The following DGLUCY variants were observed in gnomAD, a reference collection of about 807,000 sequenced individuals.
The protein encoded by DGLUCY is D-glutamate cyclase, mitochondrial.
Under a neutral mutation model 58.5 loss-of-function variants are expected in DGLUCY, and 58 were observed. The observed-to-expected ratio is 0.99, with a 90% CI of 0.80 to 1.23. The LOEUF is 1.23. DGLUCY is among the 50% of genes most tolerant of loss of function. The probability of loss-of-function intolerance (pLI) is 0.00; values close to 1 mark genes in which losing one functional copy is unlikely to be tolerated. For missense variants in DGLUCY, 779 were observed against 784.7 expected (o/e 0.99, Z 0.09); for synonymous variants, 325 against 314.1 (o/e 1.03, Z -0.37).
In DGLUCY at chr14:91,198,567, A is replaced by C. The variant is rs187867719; in HGVS notation, c.1296-1190A>C. On this transcript the variant is annotated intron_variant, in intron 10 of 13. Coordinates refer to ENST00000256324, the MANE Select transcript of DGLUCY (RefSeq NM_001102368.3). ...TCACCATGTTGCCCAGGCTGGTCTC[A>C]AACTCCTGGGCTCAAGTGATCTGCC... is the stretch of plus-strand genomic sequence containing the variant. 8.6e-5 allele frequency among the ~76,000 whole-genome samples: 13 copies of C among 151,408 alleles called. No individual in the cohort carries two copies. In the East Asian group the frequency reaches 2.3e-3, roughly 27 times the overall value.
At chr14:91,104,847 C>T (rs145481348), upstream of DGLUCY, among the ~76,000 whole-genome samples, 15 of 152,314 alleles carry the variant, frequency 9.8e-5, no homozygotes, top group African/African-American at 3.1e-4. Flanking sequence ...TCTATAGCCA[C>T]AATTTCTCCT....
At chr14:91,218,207 T>C (rs1041703399) in intron 13 of DGLUCY, among the ~76,000 whole-genome samples, 4 of 152,142 alleles carry the variant, frequency 2.6e-5, no homozygotes, top group Admixed American at 6.5e-5. Context: ...TTATACTTCC[T>C]GGATCTGAAC....
At chr14:91,214,076 C>T (rs1405630521) in intron 12 of DGLUCY, among the ~76,000 whole-genome samples, 4 of 151,816 alleles carry the variant, frequency 2.6e-5, no homozygotes, top group Admixed American at 6.6e-5. Flanking sequence ...CATTCCTCCA[C>T]CCCTCTTCTG....
intron 1 of DGLUCY, among the ~76,000 whole-genome samples, chr14:91,086,961 C>G (rs2044231788): frequency 6.6e-6 from 1 of 152,112 alleles, no homozygotes; most frequent in Admixed American, 6.6e-5. Flanking sequence ...CCATGTTGCC[C>G]AGGCTGTAGA....
upstream of DGLUCY, among the ~76,000 whole-genome samples, chr14:91,109,245 T>C (rs963627675): frequency 2.0e-5 from 3 of 152,194 alleles, no homozygotes; most frequent in Non-Finnish European, 2.9e-5. Flanking sequence ...AGCCTAGTTG[T>C]GCTTCTGGAG....
At chr14:91,121,625 AAT>A (rs2045369613) in intron 1 of DGLUCY, among the ~76,000 whole-genome samples, 1 of 140,002 alleles carries the variant, frequency 7.1e-6, no homozygotes, top group Non-Finnish European at 1.6e-5. Context: ...TAATAATAAT[AAT>A]AATAATAATA....
At chr14:91,156,119 T>C (rs2047605791) in intron 1 of DGLUCY, among the ~76,000 whole-genome samples, 1 of 150,848 alleles carries the variant, frequency 6.6e-6, no homozygotes. Context: ...CCTCATTCTT[T>C]TTTTTTTTTT....
rs192154177 is a variant in DGLUCY at position 91,154,843 on chromosome 14, A to G, written c.-81-2796A>G. ...CTGTGATTTCCTGAGGCTCCGGGAT[A>G]AATCCAAATTTCTTCACATGACAGG... On this transcript the variant is annotated intron_variant, in intron 1 of 13. Transcript: ENST00000256324. Among the ~76,000 whole-genome samples, 49 of 152,264 alleles carry G rather than the reference A, an allele frequency of 3.2e-4. No homozygotes were observed. The East Asian group carries it at 9.3e-3, about 29-fold the overall frequency.
At chr14:91,116,539 G>T (rs1204582116) in intron 1 of DGLUCY, among the ~76,000 whole-genome samples, 1 of 152,172 alleles carries the variant, frequency 6.6e-6, no homozygotes, top group Admixed American at 6.5e-5. Flanking sequence ...GAATACTTGT[G>T]TTACCAGAAA....
intron 1 of DGLUCY, among the ~76,000 whole-genome samples, chr14:91,071,825 G>A (rs1406222665): frequency 2.0e-5 from 3 of 149,216 alleles, no homozygotes; most frequent in East Asian, 2.0e-4. Flanking sequence ...CCAAGATCGC[G>A]CCACTGCACT....
intron 9 of DGLUCY, among the ~76,000 whole-genome samples, chr14:91,190,416 A>G (rs938315134): frequency 6.6e-6 from 1 of 152,178 alleles, no homozygotes; most frequent in South Asian, 2.1e-4. Flanking sequence ...TGTTCGAGTG[A>G]TGATGCCATG....
chr14:91,214,196 G>A (rs11844194), intron 12 of DGLUCY, among the ~76,000 whole-genome samples: 2,359 of 152,078 alleles, frequency 0.016, 70 homozygotes, highest in African/African-American at 0.055. Flanking sequence ...ATAATTCTGC[G>A]TGAACATCTC....
At chr14:91,204,436 A>G (rs886309996) in intron 11 of DGLUCY, among the ~76,000 whole-genome samples, 1 of 152,222 alleles carries the variant, frequency 6.6e-6, no homozygotes, top group Non-Finnish European at 1.5e-5. Flanking sequence ...CACCAAGAGC[A>G]TAGAACGTGC....
chr14:91,146,645 C>T (rs994530614), intron 1 of DGLUCY, among the ~76,000 whole-genome samples: 6 of 152,108 alleles, frequency 3.9e-5, no homozygotes, highest in African/African-American at 1.4e-4. Context: ...GTCCCCAAGA[C>T]AAGGCTGATG....
chr14:91,167,209 C>T lies in DGLUCY; in HGVS notation c.104-16C>T, dbSNP rs1367144932. 1.9e-6 allele frequency: 3 copies of T among 1,565,644 alleles called. No homozygotes were observed. The highest frequency in any genetic ancestry group is 2.6e-6 in the Non-Finnish European group (3 of 1,162,668). ...ACCGCTGACTATACATTTTTCCCTT[C>T]TCCCACCATACCCAGAGCTCCGACC... On this transcript the variant is annotated splice_polypyrimidine_tract_variant and intron_variant, in intron 3 of 13. Coordinates refer to ENST00000256324, the MANE Select transcript of DGLUCY (RefSeq NM_001102368.3).
chr14:91,204,866 G>A, intron 12 of DGLUCY, 41 bp downstream of exon 12: 1 of 1,612,410 alleles, frequency 6.2e-7, no homozygotes, highest in Non-Finnish European at 8.5e-7. Flanking sequence ...CGGCTACCCA[G>A]GGTGAGCGAC....
intron 1 of DGLUCY, among the ~76,000 whole-genome samples, chr14:91,144,753 A>G (rs1229332930): frequency 6.6e-6 from 1 of 152,206 alleles, no homozygotes; most frequent in African/African-American, 2.4e-5. Flanking sequence ...GGAGACAGCC[A>G]CAAAGATCAC....
intron 7 of DGLUCY, among the ~76,000 whole-genome samples, chr14:91,180,477 C>T (rs543042042): frequency 2.5e-4 from 37 of 149,588 alleles, no homozygotes; most frequent in African/African-American, 6.9e-4. Context: ...GAGGCTGAGG[C>T]GGGAGAGTCG....
chr14:91,106,916 G>C (rs2044602411), upstream of DGLUCY, among the ~76,000 whole-genome samples: 1 of 152,152 alleles, frequency 6.6e-6, no homozygotes. Context: ...GCTTTATTGA[G>C]ATATAATCCA....
Sources: gnomAD v4.1 joint callset for allele counts (sites outside exome capture counted in the v4.1 genomes callset) on GRCh38, gnomAD v4.1.1 for gene constraint, MANE v1.5 for transcripts, NCBI Gene and HGNC (gene_info 2026-07-23, HGNC 2026-07-21) for gene names.